The following UTRN variants were observed in gnomAD, a reference collection of about 807,000 sequenced individuals.
UTRN encodes dystrophin-related protein 1.
Under a neutral mutation model 463.9 loss-of-function variants are expected in UTRN, and 283 were observed. The observed-to-expected ratio is 0.61, with a 90% CI of 0.55 to 0.67. The LOEUF (loss-of-function observed/expected upper bound fraction) is 0.67, where lower values mean the gene tolerates loss of function less well. Ranked by LOEUF, UTRN falls within the 30% of genes least tolerant of loss-of-function variation. UTRN has a pLI of 0.00. For missense variants in UTRN, 3,922 were observed against 4,084.3 expected (o/e 0.96, Z 1.08); for synonymous variants, 1,442 against 1,431.5 (o/e 1.01, Z -0.17).
At chr6:144,837,023 G>C (rs944359922) in intron 71 of UTRN, 9 of 160,308 alleles carry the variant, frequency 5.6e-5, no homozygotes, top group Admixed American at 1.7e-4. Context: ...ATGTTTTATG[G>C]GAGTTGCTTG....
Position 144,678,566 on chromosome 6 carries a change from C to A in UTRN, c.7640C>A (p.Ser2547Tyr). ...NQRWNDLKAK[S>Y]ASIRAHLEAS... ...AGATGGAATGACTTAAAAGCAAAAT[C>A]TGCTAGCATCAGGTCAGAATAGTCA... Residue 2547 changes from serine to tyrosine, a missense_variant, in exon 52 of 75, where the codon TCT (serine) becomes TAT (tyrosine). Physicochemically the swap from Ser to Tyr is moderately radical, Grantham distance 144 (BLOSUM62 -2). Coordinates refer to ENST00000367545, the MANE Select transcript of UTRN (RefSeq NM_007124.3). The A allele has an allele frequency of 2.5e-6, 4 of 1,610,066 alleles. No homozygotes were observed. The highest frequency in any genetic ancestry group is 3.4e-6 in the Non-Finnish European group (4 of 1,177,646).
chr6:144,523,256 C>A, intron 41 of UTRN, 68 bp downstream of exon 41: 1 of 1,195,178 alleles, frequency 8.4e-7, no homozygotes, highest in South Asian at 2.0e-5. Context: ...TGAAGAAGAT[C>A]ATGTGGACAC....
At chr6:144,579,376 A>G (rs1801744274) in intron 51 of UTRN, among the ~76,000 whole-genome samples, 1 of 126,846 alleles carries the variant, frequency 7.9e-6, no homozygotes, top group Non-Finnish European at 1.6e-5. Flanking sequence ...CAGTTAGTTA[A>G]CTTATGCAAT....
At chr6:144,391,894 C>T (rs7746600) in intron 2 of UTRN, among the ~76,000 whole-genome samples, 1 of 152,136 alleles carries the variant, frequency 6.6e-6, no homozygotes, top group Admixed American at 6.5e-5. Context: ...CCCTCCTTGG[C>T]CTCCCAAAGT....
rs116403714 is a variant in UTRN at position 144,548,225 on chromosome 6, G to T, written c.6596-415G>T. On this transcript the variant is annotated intron_variant, in intron 46 of 74. Transcript: ENST00000367545. ...TAAATAAAAGTGAATATGGGTATAGGTTATTACATAGGTATTCATAATTGT... is the reference window on the plus strand; with the variant it reads ...TAAATAAAAGTGAATATGGGTATAGTTTATTACATAGGTATTCATAATTGT... 5.4e-3 allele frequency among the ~76,000 whole-genome samples: 816 copies of T among 152,078 alleles called. 14 individuals carry two copies. The highest frequency in any genetic ancestry group is 0.018 in the African/African-American group (740 of 41,504).
At chr6:144,712,528 A>G (rs1055648637) in intron 53 of UTRN, among the ~76,000 whole-genome samples, 17 of 152,206 alleles carry the variant, frequency 1.1e-4, no homozygotes, top group South Asian at 2.1e-4. Flanking sequence ...CCCAGAGATA[A>G]TTTATTTTAT....
chr6:144,657,438 C>A (rs367778847), intron 51 of UTRN, among the ~76,000 whole-genome samples: 1 of 152,094 alleles, frequency 6.6e-6, no homozygotes, highest in African/African-American at 2.4e-5. Flanking sequence ...ATTCTACTCT[C>A]GAATTCCACA....
chr6:144,708,932 G>A (rs759959444), intron 53 of UTRN, among the ~76,000 whole-genome samples: 8 of 152,106 alleles, frequency 5.3e-5, no homozygotes, highest in South Asian at 4.1e-4. Flanking sequence ...GCAAGAGAGC[G>A]TTCATGACAG....
At chr6:144,761,611 A>G (rs1399707842) in intron 58 of UTRN, among the ~76,000 whole-genome samples, 4 of 152,154 alleles carry the variant, frequency 2.6e-5, no homozygotes, top group Non-Finnish European at 5.9e-5. Flanking sequence ...ACACCACTGC[A>G]CTACAGTCTG....
intron 39 of UTRN, among the ~76,000 whole-genome samples, chr6:144,521,293 C>A (rs887249577): frequency 7.3e-5 from 11 of 151,600 alleles, no homozygotes; most frequent in Admixed American, 7.2e-4. Flanking sequence ...CCTGCACCCC[C>A]CCAAAAAAAT....
intron 61 of UTRN, among the ~76,000 whole-genome samples, chr6:144,783,273 T>C (rs930384897): frequency 2.0e-5 from 3 of 152,130 alleles, no homozygotes; most frequent in Admixed American, 6.5e-5. Context: ...ATTAATTAGC[T>C]ACATGAAAAC....
intron 2 of UTRN, among the ~76,000 whole-genome samples, chr6:144,359,252 C>T (rs898205699): frequency 2.6e-5 from 4 of 152,172 alleles, no homozygotes; most frequent in South Asian, 2.1e-4. Flanking sequence ...CATACCTGGC[C>T]GCTTTTCCCC....
chr6:144,627,179 G>A (rs1317994331), intron 51 of UTRN, among the ~76,000 whole-genome samples: 2 of 151,302 alleles, frequency 1.3e-5, no homozygotes, highest in African/African-American at 2.4e-5. Context: ...GGGTGGGGTA[G>A]GGTTGGGGGT....
At chr6:144,462,430 AG>A (rs1789516009) in intron 22 of UTRN, among the ~76,000 whole-genome samples, 2 of 152,160 alleles carry the variant, frequency 1.3e-5, no homozygotes, top group African/African-American at 4.8e-5. Flanking sequence ...ATACCCAGTG[AG>A]ATTGCTGGGT....
intron 51 of UTRN, among the ~76,000 whole-genome samples, chr6:144,647,592 G>A (rs879538120): frequency 5.3e-5 from 8 of 152,244 alleles, no homozygotes; most frequent in Non-Finnish European, 8.8e-5. Flanking sequence ...AGATGTCCTT[G>A]TGCAAGCTGC....
At chr6:144,399,703 GA>G (rs1350456243) in intron 2 of UTRN, among the ~76,000 whole-genome samples, 1 of 152,090 alleles carries the variant, frequency 6.6e-6, no homozygotes, top group Non-Finnish European at 1.5e-5. Flanking sequence ...TTTCATAGGG[GA>G]AACAACTCCT....
intron 63 of UTRN, among the ~76,000 whole-genome samples, chr6:144,795,715 G>T (rs970637084): frequency 5.3e-5 from 8 of 152,090 alleles, no homozygotes; most frequent in Admixed American, 2.6e-4. Flanking sequence ...TTTTGATGGG[G>T]TTGTTTATTT....
chr6:144,561,313 TAC>T (rs1169743506), intron 50 of UTRN, among the ~76,000 whole-genome samples: 4 of 144,738 alleles, frequency 2.8e-5, no homozygotes, highest in Non-Finnish European at 6.1e-5. Flanking sequence ...TATATATACA[TAC>T]ACATATATGT....
At chr6:144,337,241 G>A (rs939398195) in intron 2 of UTRN, among the ~76,000 whole-genome samples, 54 of 150,700 alleles carry the variant, frequency 3.6e-4, no homozygotes, top group African/African-American at 1.2e-3. Flanking sequence ...GGGCCACCCT[G>A]GGAGGAAACC....
Sources: gnomAD v4.1 joint callset for allele counts (sites outside exome capture counted in the v4.1 genomes callset) on GRCh38, gnomAD v4.1.1 for gene constraint, MANE v1.5 for transcripts, NCBI Gene and HGNC (gene_info 2026-07-23, HGNC 2026-07-21) for gene names.